CBFA2T3: variants seen among roughly 807,000 people sequenced by gnomAD.
CBFA2T3 encodes CBFA2/RUNX1 partner transcriptional co-repressor 3.
In CBFA2T3, 31 loss-of-function variants were observed where a neutral mutation model predicts 58.6. The observed-to-expected ratio is 0.53, with a 90% CI of 0.40 to 0.71. The LOEUF is 0.71. CBFA2T3 is among the 30% of genes least tolerant of loss of function. CBFA2T3 has a pLI of 0.00. For synonymous variants in CBFA2T3, 531 were observed against 421.9 expected, an observed-to-expected ratio of 1.26 and a Z score of -3.17; for missense variants, 1,076 against 963.1, an observed-to-expected ratio of 1.12 and a Z score of -1.55.
chr16:88,883,849 G>C (rs1969241405), intron 7 of CBFA2T3: 1 of 152,326 alleles, frequency 6.6e-6, no homozygotes, highest in Non-Finnish European at 1.5e-5. Flanking sequence ...GACTTCTGGA[G>C]ACATCAGAGG....
rs553794131 is a variant in CBFA2T3 at position 88,889,307 on chromosome 16, A to G, written c.711+2575T>C. 4.6e-4 allele frequency among the ~76,000 whole-genome samples: 59 copies of G among 128,014 alleles called. 2 individuals carry two copies. Among genetic ancestry groups the G allele is most frequent in the African/African-American group, 1.7e-3 (55 of 32,820 alleles). The allele number at this position is 128,014 out of a possible 152,430, so 84.0% of individuals were successfully genotyped here. Reference sequence around the variant, plus strand: ...AAGGCGGGAGGAGGGATGGAGCGATAGAGGAGGGAGGGCAGGAGGAAAGGA... The same window carrying G: ...AAGGCGGGAGGAGGGATGGAGCGATGGAGGAGGGAGGGCAGGAGGAAAGGA... On this transcript the variant is annotated intron_variant, in intron 5 of 11. Coordinates refer to ENST00000268679, the MANE Select transcript of CBFA2T3 (RefSeq NM_005187.6).
intron 1 of CBFA2T3, among the ~76,000 whole-genome samples, chr16:88,913,567 C>T (rs966001825): frequency 7.9e-5 from 12 of 152,202 alleles, no homozygotes; most frequent in Admixed American, 3.9e-4. Context: ...AGTGACCCAT[C>T]TTGTCTCTAG....
In CBFA2T3 at chr16:88,958,085, G is replaced by A. The variant is rs1201720500; in HGVS notation, c.151+18572C>T. 1.3e-5 allele frequency among the ~76,000 whole-genome samples: 2 copies of A among 152,152 alleles called. No individual in the cohort carries two copies. The highest frequency in any genetic ancestry group is 2.9e-5 in the Non-Finnish European group (2 of 68,032). On this transcript the variant is annotated intron_variant, in intron 1 of 11. Coordinates refer to ENST00000268679, the MANE Select transcript of CBFA2T3 (RefSeq NM_005187.6). This position sits in a 1 kb window ranked among gnomAD's most constrained non-coding sequence, Gnocchi z 4.0. The stretch of plus-strand genomic sequence containing the variant: ...CTCACAATCCCTCGCTCACAGAGAG[G>A]CCACGGAACTTTGTCAGCGCACCAG...
chr16:88,929,882 C>T (rs1472414203), intron 1 of CBFA2T3, among the ~76,000 whole-genome samples: 1 of 149,218 alleles, frequency 6.7e-6, no homozygotes, highest in Non-Finnish European at 1.5e-5. Context: ...GCATCATCCA[C>T]GCAAAAGTCA....
Position 88,892,351 on chromosome 16 carries a change from G to A in CBFA2T3, c.514C>T (p.Arg172Trp), listed in dbSNP as rs777898172. 17 of 1,613,148 alleles carry A rather than the reference G, an allele frequency of 1.1e-5. No individual in the cohort carries two copies. In the East Asian group the frequency reaches 1.3e-4, roughly 13 times the overall value. The stretch of plus-strand genomic sequence containing the variant: ...AAGCGCTTGAGCTTGCTGAGCTGCC[G>A]GGCCCCGCAGGCTGGGGGCAGGTGC... ...TQHLPPACGA[R>W]QLSKLKRFLT... Residue 172 changes from arginine (R) to tryptophan (W), a missense_variant, in exon 4 of 12, where the codon CGG becomes TGG. By Grantham distance (101) the Arg-to-Trp change is moderately radical (BLOSUM62 -3). Coordinates refer to ENST00000268679, the MANE Select transcript of CBFA2T3 (RefSeq NM_005187.6).
intron 7 of CBFA2T3, among the ~76,000 whole-genome samples, chr16:88,884,408 C>T (rs963354318): frequency 1.3e-5 from 2 of 152,230 alleles, no homozygotes; most frequent in African/African-American, 4.8e-5. Flanking sequence ...GCCGTCAAAA[C>T]GTCAGGCAGG....
At position 88,912,552 on chromosome 16, in the gene CBFA2T3, C is replaced by G. The variant is rs191326807; in HGVS notation, c.152-10896G>C. Among the ~76,000 whole-genome samples, 124 of 152,190 alleles carry G rather than the reference C, an allele frequency of 8.1e-4. 1 individual carries two copies. Among genetic ancestry groups the G allele is most frequent in the Middle Eastern group, 3.2e-3 (1 of 316 alleles). The stretch of plus-strand genomic sequence containing the variant: ...CTGACCGCCCATGTCCCTGCCCCCA[C>G]GCTCTCTGCCCCATCACCCATTTTT... On this transcript the variant is annotated intron_variant, in intron 1 of 11. Transcript: ENST00000268679.
At chr16:88,877,628 C>T (rs996075262) in intron 11 of CBFA2T3, among the ~76,000 whole-genome samples, 4 of 152,174 alleles carry the variant, frequency 2.6e-5, no homozygotes, top group Admixed American at 6.5e-5. Context: ...GCTGAGATCT[C>T]ACCATCCGCC....
Position 88,885,003 on chromosome 16 carries a change from C to G in CBFA2T3, c.1117+43G>C, listed in dbSNP as rs757357010. Reference sequence around the variant, plus strand: ...GTGTACATGTGGGCGCATGTGTGCTCCTGTAACACGCGTCCACGCTCCCGC... The same window carrying G: ...GTGTACATGTGGGCGCATGTGTGCTGCTGTAACACGCGTCCACGCTCCCGC... On this transcript the variant is annotated intron_variant, in intron 7 of 11. Coordinates refer to ENST00000268679, the MANE Select transcript of CBFA2T3 (RefSeq NM_005187.6). The surrounding 1 kb of genome is among the most constrained non-coding windows in gnomAD (Gnocchi z 5.3). The G allele has an allele frequency of 8.9e-6, 13 of 1,461,136 alleles. No homozygotes were observed. The African/African-American group carries it at 1.7e-4, about 19-fold the overall frequency. The allele number at this position is 1,461,136 out of a possible 1,614,324, so 90.5% of individuals were successfully genotyped here.
intron 1 of CBFA2T3, among the ~76,000 whole-genome samples, chr16:88,925,417 C>T (rs1190186057): frequency 6.6e-6 from 1 of 152,186 alleles, no homozygotes; most frequent in African/African-American, 2.4e-5. Flanking sequence ...GGGGGTGGTG[C>T]TGCTGAGTCA....
rs566830650 is a variant in CBFA2T3, at chr16:88,975,744, G to A, written c.151+913C>T. 1.7e-3 allele frequency among the ~76,000 whole-genome samples: 257 copies of A among 152,380 alleles called. 1 individual carries two copies. The highest frequency in any genetic ancestry group is 5.8e-3 in the African/African-American group (243 of 41,594). On this transcript the variant is annotated intron_variant, in intron 1 of 11. Coordinates refer to ENST00000268679, the MANE Select transcript of CBFA2T3 (RefSeq NM_005187.6). The stretch of plus-strand genomic sequence containing the variant: ...GTGGGGGATGGCCCTGGGGCCCCAC[G>A]GGCAGCTGCAGGTGGGAACAGCCTC...
intron 10 of CBFA2T3, 24 bp from the exon 11 acceptor site, chr16:88,879,484 G>A: frequency 1.3e-6 from 2 of 1,596,094 alleles, no homozygotes; most frequent in Middle Eastern, 1.7e-4. Context: ...GGGCAGGGCT[G>A]GCGGTCACAT....
At chr16:88,881,188 GT>G (rs1273085651) in intron 9 of CBFA2T3, 102 bp downstream of exon 9, 5 of 1,046,094 alleles carry the variant, frequency 4.8e-6, no homozygotes, top group Non-Finnish European at 7.4e-6. Context: ...AAGCGAAACT[GT>G]TCTGCCTGGT....
chr16:88,888,846 C>G (rs1291270490), intron 5 of CBFA2T3, among the ~76,000 whole-genome samples: 1 of 151,880 alleles, frequency 6.6e-6, no homozygotes, highest in Non-Finnish European at 1.5e-5. Flanking sequence ...CTCCAGCTAC[C>G]CCACACAGGC....
intron 5 of CBFA2T3, among the ~76,000 whole-genome samples, chr16:88,891,544 C>T (rs1050000793): frequency 6.6e-6 from 1 of 152,218 alleles, no homozygotes; most frequent in Non-Finnish European, 1.5e-5. Flanking sequence ...CAAAAATCAC[C>T]CGTGGAGTGA....
intron 1 of CBFA2T3, among the ~76,000 whole-genome samples, chr16:88,904,370 G>T (rs368225309): frequency 2.6e-5 from 4 of 152,114 alleles, no homozygotes; most frequent in South Asian, 4.2e-4. Context: ...TACTAGGACG[G>T]ACCAGGCTCG....
intron 1 of CBFA2T3, 143 bp from the exon 2 acceptor site, chr16:88,901,799 G>C: frequency 1.5e-6 from 1 of 670,600 alleles, no homozygotes; most frequent in Non-Finnish European, 2.3e-6. Flanking sequence ...CTGACAGGTG[G>C]CTGACGTCCC....
In CBFA2T3 at chr16:88,958,290, A is replaced by G. The variant is rs1171474385; in HGVS notation, c.151+18367T>C. Reference sequence around the variant, plus strand: ...CCAGGGAAGCTTTGAGCTTCCTCAAAAAGCTATTTTGAGCCTAAAATAGCT... The same window carrying G: ...CCAGGGAAGCTTTGAGCTTCCTCAAGAAGCTATTTTGAGCCTAAAATAGCT... On this transcript the variant is annotated intron_variant, in intron 1 of 11. Coordinates refer to ENST00000268679, the MANE Select transcript of CBFA2T3 (RefSeq NM_005187.6). The surrounding 1 kb of genome is among the most constrained non-coding windows in gnomAD (Gnocchi z 4.0). Among the ~76,000 whole-genome samples, 1 of 151,624 alleles carries G rather than the reference A, an allele frequency of 6.6e-6. No individual in the cohort carries two copies. The highest frequency in any genetic ancestry group is 1.5e-5 in the Non-Finnish European group (1 of 67,682).
intron 1 of CBFA2T3, among the ~76,000 whole-genome samples, chr16:88,911,036 CG>C (rs1449470454): frequency 5.3e-5 from 8 of 152,218 alleles, no homozygotes; most frequent in Non-Finnish European, 1.0e-4. Flanking sequence ...CATATAAACA[CG>C]GGGAGCAGTG....
Sources: gnomAD v4.1 joint callset for allele counts (sites outside exome capture counted in the v4.1 genomes callset) on GRCh38, gnomAD v4.1.1 for gene constraint, Gnocchi (gnomAD v3.1) non-coding constraint, MANE v1.5 for transcripts, NCBI Gene and HGNC (gene_info 2026-07-23, HGNC 2026-07-21) for gene names.